Variants in CLCN3 observed in about 807,000 individuals in gnomAD.
The protein encoded by CLCN3 is H(+)/Cl(-) exchange transporter 3.
CLCN3 carries 16 observed loss-of-function variants against 83.4 expected under a neutral mutation model. The observed-to-expected ratio is 0.19, with a 90% confidence interval of 0.13 to 0.29. The LOEUF (loss-of-function observed/expected upper bound fraction) is 0.29. Among genes scored for constraint, CLCN3 ranks in the 10% least tolerant of loss-of-function variants. The probability of loss-of-function intolerance (pLI) is 1.00; values close to 1 mark genes in which losing one functional copy is unlikely to be tolerated. For synonymous variants in CLCN3, 322 were observed against 346.2 expected (o/e 0.93, Z 0.78); for missense variants, 544 against 1,006.0 (o/e 0.54, Z 6.21).
At chr4:169,634,081 T>G (rs1178807304) in intron 1 of CLCN3, among the ~76,000 whole-genome samples, 7 of 152,180 alleles carry the variant, frequency 4.6e-5, no homozygotes, top group Admixed American at 4.6e-4. Flanking sequence ...AGGCTAGGTG[T>G]CTCAAAGGTA....
chr4:169,632,683 C>G (rs375408286), intron 1 of CLCN3, among the ~76,000 whole-genome samples: 1 of 137,174 alleles, frequency 7.3e-6, no homozygotes, highest in Non-Finnish European at 1.5e-5. Context: ...CGCCACTGCA[C>G]TCCAGCCTGG....
intron 7 of CLCN3, 90 bp from the exon 8 acceptor site, chr4:169,695,522 C>A: frequency 2.2e-6 from 2 of 922,604 alleles, no homozygotes; most frequent in South Asian, 1.5e-5. Context: ...TCAGAAAATC[C>A]ATTTGGAAAA....
intron 2 of CLCN3, among the ~76,000 whole-genome samples, chr4:169,672,473 G>T (rs1171176540): frequency 1.3e-5 from 2 of 151,706 alleles, no homozygotes; most frequent in African/African-American, 4.8e-5. Context: ...AAGAGGAGAT[G>T]TACTTTATGT....
intron 9 of CLCN3, among the ~76,000 whole-genome samples, chr4:169,703,549 A>G (rs1055292871): frequency 4.6e-5 from 7 of 152,172 alleles, no homozygotes; most frequent in African/African-American, 1.7e-4. Context: ...TTTAATTTCA[A>G]TAGCTTTTGG....
intron 2 of CLCN3, among the ~76,000 whole-genome samples, chr4:169,637,264 G>C (rs1412706174): frequency 6.7e-6 from 1 of 149,472 alleles, no homozygotes; most frequent in Non-Finnish European, 1.5e-5. Context: ...CGGTATTGCA[G>C]TTATCTTCTC....
intron 2 of CLCN3, among the ~76,000 whole-genome samples, chr4:169,636,917 T>G (rs1023327144): frequency 1.3e-5 from 2 of 152,056 alleles, no homozygotes; most frequent in Non-Finnish European, 2.9e-5. Context: ...ATACTTCCAT[T>G]TCTTTTTTTT....
Position 169,720,005 on chromosome 4 carries a change from A to C in CLCN3, c.*8A>C. 1 of 1,613,690 alleles carries C rather than the reference A, an allele frequency of 6.2e-7. No individual in the cohort carries two copies. The highest frequency in any genetic ancestry group is 8.5e-7 in the Non-Finnish European group (1 of 1,179,588). On this transcript the variant is annotated 3_prime_UTR_variant, in exon 13 of 13. Coordinates refer to ENST00000513761, the MANE Select transcript of CLCN3 (RefSeq NM_001829.4). ...TCAATAATGTTCAACTGAATCTCACAGATGAGGAGAGAGAAGAAACGGAAG... is the reference window on the plus strand; with the variant it reads ...TCAATAATGTTCAACTGAATCTCACCGATGAGGAGAGAGAAGAAACGGAAG...
intron 1 of CLCN3, among the ~76,000 whole-genome samples, chr4:169,627,293 T>C (rs1371990134): frequency 6.6e-6 from 1 of 152,232 alleles, no homozygotes; most frequent in African/African-American, 2.4e-5. Flanking sequence ...TATTGACTTT[T>C]TACCTCACAG....
chr4:169,650,806 T>C (rs1730710198), intron 2 of CLCN3, among the ~76,000 whole-genome samples: 1 of 152,218 alleles, frequency 6.6e-6, no homozygotes. Flanking sequence ...TACACCTGTG[T>C]CTCCAGACTG....
chr4:169,644,771 A>C (rs1400576284), intron 2 of CLCN3, among the ~76,000 whole-genome samples: 1 of 152,204 alleles, frequency 6.6e-6, no homozygotes, highest in Non-Finnish European at 1.5e-5. Flanking sequence ...ATATCTAGAG[A>C]TGGAGTGATT....
chr4:169,678,540 G>GT (rs1190755493), intron 2 of CLCN3, among the ~76,000 whole-genome samples: 2 of 152,094 alleles, frequency 1.3e-5, no homozygotes, highest in Non-Finnish European at 2.9e-5. Context: ...AAGGTCTCTG[G>GT]TTTTCCTAGG....
intron 3 of CLCN3, among the ~76,000 whole-genome samples, chr4:169,683,747 T>A (rs1393866875): frequency 2.0e-5 from 3 of 151,436 alleles, no homozygotes; most frequent in Non-Finnish European, 4.4e-5. Context: ...AAAATTAATT[T>A]TTTTTTTTTT....
At chr4:169,718,528 T>C (rs1250983471) in intron 12 of CLCN3, among the ~76,000 whole-genome samples, 4 of 152,252 alleles carry the variant, frequency 2.6e-5, no homozygotes, top group Non-Finnish European at 5.9e-5. Flanking sequence ...CCCTTTTGTA[T>C]GATGTTTCTG....
At chr4:169,671,216 G>A (rs1204344620) in intron 2 of CLCN3, among the ~76,000 whole-genome samples, 3 of 152,186 alleles carry the variant, frequency 2.0e-5, no homozygotes, top group African/African-American at 7.2e-5. Flanking sequence ...ATCAATGGTA[G>A]ACTGGATAAA....
At chr4:169,678,642 A>G (rs1018332960) in intron 2 of CLCN3, among the ~76,000 whole-genome samples, 3 of 152,190 alleles carry the variant, frequency 2.0e-5, no homozygotes, top group African/African-American at 7.2e-5. Flanking sequence ...GCTGCCTTCA[A>G]GCATCTGTTT....
At chr4:169,679,905 G>C in intron 2 of CLCN3, 145 bp from the exon 3 acceptor site, 1 of 587,404 alleles carries the variant, frequency 1.7e-6, no homozygotes, top group Non-Finnish European at 3.1e-6. Context: ...AGGGAGAGGG[G>C]GAGACCGTGG....
At chr4:169,682,107 T>TA (rs1292432697) in intron 3 of CLCN3, among the ~76,000 whole-genome samples, 1 of 152,234 alleles carries the variant, frequency 6.6e-6, no homozygotes, top group Non-Finnish European at 1.5e-5. Flanking sequence ...TGTCTTCTGT[T>TA]ACATTAAAAT....
intron 1 of CLCN3, among the ~76,000 whole-genome samples, chr4:169,635,457 A>G (rs1212166363): frequency 6.6e-6 from 1 of 152,148 alleles, no homozygotes. Context: ...AAGGAGAATG[A>G]AATAAATATT....
At chr4:169,627,149 TC>T (rs35006454) in intron 1 of CLCN3, among the ~76,000 whole-genome samples, 6 of 152,050 alleles carry the variant, frequency 3.9e-5, no homozygotes, top group Non-Finnish European at 1.5e-5. Context: ...CATGAACCCC[TC>T]CCCTTCATGA....
Sources: allele counts gnomAD v4.1 joint callset (sites outside exome capture counted in the v4.1 genomes callset), GRCh38; gene constraint gnomAD v4.1.1; transcripts MANE v1.5; gene names NCBI Gene and HGNC (gene_info 2026-07-23, HGNC 2026-07-21).